The following SLC30A8 variants were observed in gnomAD, a reference collection of about 807,000 sequenced individuals.
The protein encoded by SLC30A8 is solute carrier family 30 member 8.
SLC30A8 carries 27 observed loss-of-function variants against 36.9 expected under a neutral mutation model. That is an observed-to-expected ratio of 0.73 (90% CI 0.54 to 1.01). The LOEUF (loss-of-function observed/expected upper bound fraction) is 1.01. SLC30A8 is among the 50% of genes least tolerant of loss of function. The probability of loss-of-function intolerance (pLI) is 0.00; values close to 1 mark genes in which losing one functional copy is unlikely to be tolerated. For synonymous variants in SLC30A8, 164 were observed against 172.4 expected, an observed-to-expected ratio of 0.95 and a Z score of 0.38; for missense variants, 439 against 452.0, an observed-to-expected ratio of 0.97 and a Z score of 0.26.
intron 1 of SLC30A8, among the ~76,000 whole-genome samples, chr8:117,006,810 T>C (rs1441067992): frequency 8.1e-6 from 1 of 123,288 alleles, no homozygotes; most frequent in African/African-American, 3.1e-5. Flanking sequence ...TGAGACGGAA[T>C]CTGGCTGTGT....
At chr8:116,996,991 TG>T (rs1285244286) in intron 1 of SLC30A8, among the ~76,000 whole-genome samples, 1 of 151,946 alleles carries the variant, frequency 6.6e-6, no homozygotes, top group Non-Finnish European at 1.5e-5. Context: ...TTTTTTTTTT[TG>T]AGACGGAGTT....
At chr8:117,159,431 A>T (rs927468922) in intron 4 of SLC30A8, among the ~76,000 whole-genome samples, 1 of 152,182 alleles carries the variant, frequency 6.6e-6, no homozygotes, top group African/African-American at 2.4e-5. Flanking sequence ...ACTTTGAAAA[A>T]GGTCCTCAGG....
chr8:117,089,167 C>A (rs182793685), intron 2 of SLC30A8, among the ~76,000 whole-genome samples: 15 of 152,270 alleles, frequency 9.9e-5, no homozygotes, highest in Admixed American at 2.6e-4. Flanking sequence ...TTTCTAGCCT[C>A]TTTGGTTTTC....
intron 2 of SLC30A8, among the ~76,000 whole-genome samples, chr8:117,052,368 G>A (rs1204259254): frequency 6.6e-6 from 1 of 152,182 alleles, no homozygotes; most frequent in Non-Finnish European, 1.5e-5. Context: ...CCTCAGCAAT[G>A]CAAATGGACT....
chr8:117,138,079 A>C (rs1296792366), intron 1 of SLC30A8, among the ~76,000 whole-genome samples: 1 of 147,434 alleles, frequency 6.8e-6, no homozygotes, highest in Non-Finnish European at 1.5e-5. Context: ...AAAAAAAAAA[A>C]AGAAAAAGAA....
chr8:116,994,366 A>C (rs1333235157), intron 1 of SLC30A8, among the ~76,000 whole-genome samples: 1 of 152,126 alleles, frequency 6.6e-6, no homozygotes, highest in Non-Finnish European at 1.5e-5. Context: ...TGTTCATAGT[A>C]TCATTACTCA....
At position 117,121,670 on chromosome 8, in the gene SLC30A8, G is replaced by T. The variant is rs7006810; in HGVS notation, c.-225-13610G>T. Among the ~76,000 whole-genome samples, 737 of 152,042 alleles carry T rather than the reference G, an allele frequency of 4.8e-3. 8 individuals carry two copies. Among genetic ancestry groups the T allele is most frequent in the African/African-American group, 0.017 (696 of 41,512 alleles). On this transcript the variant is annotated intron_variant, in intron 2 of 10. Transcript: ENST00000427715. ...AATTGGAGGGGTACACAAACATTCA[G>T]ACTGTAGCACCTTCCTACACTGCAA...
At position 117,030,530 on chromosome 8, in the gene SLC30A8, T is replaced by G; in HGVS notation, c.-265-8689T>G. On this transcript the variant is annotated intron_variant, in intron 1 of 10. Transcript: ENST00000427715. ...ATGTCTGAACTTGATCTCTTTGGTCTGTCTTCTTCTTTGTCATGCTGGAAG... is the reference window on the plus strand; with the variant it reads ...ATGTCTGAACTTGATCTCTTTGGTCGGTCTTCTTCTTTGTCATGCTGGAAG... 1.3e-5 allele frequency among the ~76,000 whole-genome samples: 2 copies of G among 152,224 alleles called. 1 individual carries two copies. The highest frequency in any genetic ancestry group is 2.9e-5 in the Non-Finnish European group (2 of 68,032).
chr8:117,107,492 G>A (rs1285617858), intron 2 of SLC30A8, among the ~76,000 whole-genome samples: 2 of 152,074 alleles, frequency 1.3e-5, no homozygotes, highest in African/African-American at 4.8e-5. Context: ...TGTCACACTG[G>A]TCAATTATTA....
intron 1 of SLC30A8, among the ~76,000 whole-genome samples, chr8:116,951,765 G>A (rs571857856): frequency 3.9e-5 from 6 of 152,046 alleles, no homozygotes; most frequent in Non-Finnish European, 5.9e-5. Flanking sequence ...CATTTTTGTT[G>A]TGTCTACGGG....
At chr8:116,976,080 C>T (rs1814992620) in intron 1 of SLC30A8, among the ~76,000 whole-genome samples, 1 of 152,110 alleles carries the variant, frequency 6.6e-6, no homozygotes, top group African/African-American at 2.4e-5. Flanking sequence ...TGATTACTTT[C>T]ATATAGAATC....
intron 1 of SLC30A8, among the ~76,000 whole-genome samples, chr8:117,140,267 T>C (rs1586576614): frequency 1.3e-5 from 2 of 152,000 alleles, no homozygotes; most frequent in East Asian, 3.9e-4. Context: ...TGGTACATTG[T>C]TAAATGCATT....
chr8:117,150,851 C>T (rs960456567), intron 2 of SLC30A8, among the ~76,000 whole-genome samples: 5 of 152,098 alleles, frequency 3.3e-5, no homozygotes, highest in African/African-American at 1.2e-4. Context: ...GTGATCCGCC[C>T]GCCTCTGCCT....
intron 1 of SLC30A8, among the ~76,000 whole-genome samples, chr8:116,978,419 T>C (rs1210271178): frequency 6.6e-6 from 1 of 152,122 alleles, no homozygotes; most frequent in African/African-American, 2.4e-5. Flanking sequence ...GCTATGATGC[T>C]CTAACAGTTA....
chr8:116,987,516 C>T (rs1815489026), intron 1 of SLC30A8, among the ~76,000 whole-genome samples: 1 of 151,998 alleles, frequency 6.6e-6, no homozygotes, highest in South Asian at 2.1e-4. Flanking sequence ...TTTAATTCTA[C>T]ATCTGTTAAG....
rs917002133 is a variant in SLC30A8, at chr8:117,038,545, G to T, written c.-265-674G>T. Among the ~76,000 whole-genome samples the T allele has an allele frequency of 2.6e-5, 4 of 151,910 alleles. No homozygotes were observed. The East Asian group carries it at 7.7e-4, about 29-fold the overall frequency. On this transcript the variant is annotated intron_variant, in intron 1 of 10. Coordinates refer to the SLC30A8 transcript ENST00000427715. Reference sequence around the variant, plus strand: ...TCCTGTACTAATGTACATTTACTAGGTTTTCAGTATTTTGCTTCTACAAAC... The same window carrying T: ...TCCTGTACTAATGTACATTTACTAGTTTTTCAGTATTTTGCTTCTACAAAC...
intron 1 of SLC30A8, among the ~76,000 whole-genome samples, chr8:116,967,387 C>G (rs904560615): frequency 6.6e-6 from 1 of 152,162 alleles, no homozygotes; most frequent in African/African-American, 2.4e-5. Flanking sequence ...GAGCTAGTGT[C>G]TATCTGATGA....
At chr8:117,010,575 C>T (rs1816311590) in intron 1 of SLC30A8, among the ~76,000 whole-genome samples, 1 of 152,184 alleles carries the variant, frequency 6.6e-6, no homozygotes, top group Non-Finnish European at 1.5e-5. Flanking sequence ...TGTTTTTCTC[C>T]TGAGTTCTAC....
Position 117,039,248 on chromosome 8 carries a change from A to G in SLC30A8, c.-236A>G, listed in dbSNP as rs565346905. 1.2e-4 allele frequency: 19 copies of G among 152,330 alleles called. No individual in the cohort carries two copies. The South Asian group carries it at 3.9e-3, about 32-fold the overall frequency. The allele number at this position is 152,330 out of a possible 1,614,324, so 9.4% of individuals were successfully genotyped here. A position where few individuals can be genotyped will look rare whatever the true frequency, so the allele number is the denominator to read the frequency against. On this transcript the variant is annotated 5_prime_UTR_variant, in exon 2 of 11. Transcript: ENST00000427715. Reference sequence around the variant, plus strand: ...GAAGACGTGTTTTCTTGACAACAGCACAGTACCTAGGTATATCTATATTTA... The same window carrying G: ...GAAGACGTGTTTTCTTGACAACAGCGCAGTACCTAGGTATATCTATATTTA...
Sources: allele counts gnomAD v4.1 joint callset (sites outside exome capture counted in the v4.1 genomes callset), GRCh38; gene constraint gnomAD v4.1.1; transcripts MANE v1.5; gene names NCBI Gene and HGNC (gene_info 2026-07-23, HGNC 2026-07-21).